Variants in FBXW8 observed in about 807,000 individuals in gnomAD.
FBXW8 encodes the protein F-box and WD repeat domain containing 8.
FBXW8 carries 57 observed loss-of-function variants against 65.3 expected under a neutral mutation model. That is an observed-to-expected ratio of 0.87 (90% CI 0.71 to 1.09). The LOEUF (loss-of-function observed/expected upper bound fraction) is 1.09, where lower values mean the gene tolerates loss of function less well. Ranked by LOEUF, FBXW8 falls within the 50% of genes least tolerant of loss-of-function variation. FBXW8 has a pLI of 0.00. For synonymous variants in FBXW8, 308 were observed against 330.2 expected (o/e 0.93, Z 0.73); for missense variants, 777 against 814.8 (o/e 0.95, Z 0.57).
At chr12:116,973,305 A>G (rs1466585634) in intron 5 of FBXW8, among the ~76,000 whole-genome samples, 2 of 152,184 alleles carry the variant, frequency 1.3e-5, no homozygotes, top group Non-Finnish European at 2.9e-5. Context: ...GATTCAGACA[A>G]AAAATCAATT....
At position 116,964,856 on chromosome 12, in the gene FBXW8, T is replaced by C; in HGVS notation, c.835+2T>C. The C allele has an allele frequency of 6.3e-7, 1 of 1,597,840 alleles. No individual in the cohort carries two copies. The highest frequency in any genetic ancestry group is 1.1e-5 in the South Asian group (1 of 88,836). ...TGGCAGTAGCAGCTTATGAGGATGG[T>C]AAGTAACCACAACCCTCCTCCCTAT... On this transcript the variant is annotated splice_donor_variant, in intron 5 of 10. Coordinates refer to ENST00000652555, the MANE Select transcript of FBXW8 (RefSeq NM_153348.3). LOFTEE classifies it high-confidence loss of function.
chr12:116,914,777 A>G (rs1300387251), intron 1 of FBXW8, among the ~76,000 whole-genome samples: 2 of 152,188 alleles, frequency 1.3e-5, no homozygotes, highest in African/African-American at 4.8e-5. Flanking sequence ...CAGGAGGCTG[A>G]GGCAGGAGAA....
At position 116,946,599 on chromosome 12, in the gene FBXW8, T is replaced by A. The variant is rs115652080; in HGVS notation, c.588+1071T>A. Among the ~76,000 whole-genome samples the A allele has an allele frequency of 4.4e-3, 674 of 152,128 alleles. 6 individuals carry two copies. The highest frequency in any genetic ancestry group is 0.015 in the African/African-American group (634 of 41,506). On this transcript the variant is annotated intron_variant, in intron 3 of 10. Transcript: ENST00000652555. ...ATGTCCCCTGGGAATCAAAATCCCCTCCCAGTCGAGAACCACTGTTCTGAG... is the reference window on the plus strand; with the variant it reads ...ATGTCCCCTGGGAATCAAAATCCCCACCCAGTCGAGAACCACTGTTCTGAG...
chr12:116,984,415 A>G (rs1259003225), intron 5 of FBXW8, among the ~76,000 whole-genome samples: 1 of 152,146 alleles, frequency 6.6e-6, no homozygotes, highest in Admixed American at 6.5e-5. Context: ...GTGCTGGGAG[A>G]AGAGTGGAAA....
rs1555214810 is a variant in FBXW8 at position 116,912,183 on chromosome 12, T to TTTC, written c.318+830_318+831insCTT. On this transcript the variant is annotated intron_variant, in intron 1 of 10. Transcript: ENST00000652555. ...TTTTTTTTTTCCTGTTTTTTTTTTT[T>TTTC]TTTCTTTCTTTCTTTCTTTTCTGAG... 6.1e-5 allele frequency among the ~76,000 whole-genome samples: 9 copies of TTTC among 148,022 alleles called. No homozygotes were observed. The East Asian group carries it at 9.8e-4, about 16-fold the overall frequency.
intron 2 of FBXW8, among the ~76,000 whole-genome samples, chr12:116,940,031 T>G (rs192518686): frequency 1.3e-3 from 195 of 152,334 alleles, no homozygotes; most frequent in African/African-American, 4.5e-3. Context: ...CGTTATCCCG[T>G]TCTTTATTGC....
At chr12:117,027,757 G>C (rs11068294) in intron 10 of FBXW8, among the ~76,000 whole-genome samples, 4,379 of 152,326 alleles carry the variant, frequency 0.029, 176 homozygotes, top group East Asian at 0.19. Flanking sequence ...ATGCTGAGGG[G>C]CCTGCTGTGG....
chr12:116,954,882 A>G (rs915647654), intron 4 of FBXW8, among the ~76,000 whole-genome samples: 1 of 152,024 alleles, frequency 6.6e-6, no homozygotes, highest in African/African-American at 2.4e-5. Flanking sequence ...CTCCCCGTCT[A>G]ACCTCCCTCC....
chr12:116,974,520 G>A (rs1213489446), intron 5 of FBXW8, among the ~76,000 whole-genome samples: 2 of 152,230 alleles, frequency 1.3e-5, no homozygotes, highest in Non-Finnish European at 2.9e-5. Context: ...GGATCCAGCC[G>A]ATTCTGAGTG....
intron 4 of FBXW8, chr12:116,951,173 GGATC>G (rs2137359383): frequency 6.6e-6 from 1 of 152,298 alleles, no homozygotes; most frequent in South Asian, 2.1e-4. Flanking sequence ...CACGTTCTGT[GGATC>G]GATAGGATGA....
chr12:116,925,775 C>A (rs11832649), intron 1 of FBXW8, among the ~76,000 whole-genome samples: 2,305 of 152,226 alleles, frequency 0.015, 53 homozygotes, highest in African/African-American at 0.046. Flanking sequence ...AACAGTGAGA[C>A]CAGCATGAGG....
rs150071158 is a variant in FBXW8, at chr12:116,967,770, T to C, written c.835+2916T>C. On this transcript the variant is annotated intron_variant, in intron 5 of 10. Coordinates refer to ENST00000652555, the MANE Select transcript of FBXW8 (RefSeq NM_153348.3). Reference sequence around the variant, plus strand: ...TATTTTTTCCGTAAGTCACTTATTCTTTTTTGTTTGTTTTGAGATAGAGTC... The same window carrying C: ...TATTTTTTCCGTAAGTCACTTATTCCTTTTTGTTTGTTTTGAGATAGAGTC... Among the ~76,000 whole-genome samples, 1,046 of 152,318 alleles carry C rather than the reference T, an allele frequency of 6.9e-3. 7 individuals are homozygous for C. The highest frequency in any genetic ancestry group is 0.012 in the Non-Finnish European group (803 of 68,026).
chr12:116,973,024 A>G (rs1421168352), intron 5 of FBXW8, among the ~76,000 whole-genome samples: 2 of 152,180 alleles, frequency 1.3e-5, no homozygotes, highest in Non-Finnish European at 1.5e-5. Flanking sequence ...GAATGATGAC[A>G]ACATGTCACA....
intron 7 of FBXW8, among the ~76,000 whole-genome samples, chr12:117,007,598 C>T (rs772287525): frequency 2.6e-5 from 4 of 152,258 alleles, no homozygotes; most frequent in South Asian, 2.1e-4. Context: ...ATATTTTCTC[C>T]GGGATTTGTG....
chr12:116,997,441 C>A (rs2135689623), intron 7 of FBXW8, among the ~76,000 whole-genome samples: 1 of 152,340 alleles, frequency 6.6e-6, no homozygotes, highest in South Asian at 2.1e-4. Flanking sequence ...GTTCTGCAGT[C>A]AGGTAAACCT....
intron 3 of FBXW8, among the ~76,000 whole-genome samples, chr12:116,947,566 C>T (rs943432084): frequency 1.3e-5 from 2 of 151,482 alleles, no homozygotes; most frequent in Admixed American, 6.6e-5. Context: ...ATGGTGAAAC[C>T]CCATCTCTAC....
chr12:116,979,777 CAAA>C (rs60145855), intron 5 of FBXW8, among the ~76,000 whole-genome samples: 12 of 74,506 alleles, frequency 1.6e-4, no homozygotes, highest in Admixed American at 3.3e-4. Flanking sequence ...CAGGGAATGG[CAAA>C]AAAAAAAAAA....
chr12:117,014,065 T>C (rs1262040897), intron 8 of FBXW8, among the ~76,000 whole-genome samples: 2 of 152,192 alleles, frequency 1.3e-5, no homozygotes, highest in Admixed American at 1.3e-4. Flanking sequence ...ATAATGTAAA[T>C]ATTAAACCTT....
chr12:116,935,891 T>A (rs996423619), intron 2 of FBXW8, among the ~76,000 whole-genome samples: 3 of 152,106 alleles, frequency 2.0e-5, no homozygotes, highest in East Asian at 1.9e-4. Flanking sequence ...TGCTAATTTT[T>A]AAAAAAAAGT....
Sources: gnomAD v4.1 joint callset for allele counts (sites outside exome capture counted in the v4.1 genomes callset) on GRCh38, gnomAD v4.1.1 for gene constraint, MANE v1.5 for transcripts, NCBI Gene and HGNC (gene_info 2026-07-23, HGNC 2026-07-21) for gene names.